The following MSRA variants were observed in gnomAD, a reference collection of about 807,000 sequenced individuals.
MSRA encodes methionine sulfoxide reductase A.
MSRA carries 54 observed loss-of-function variants against 31.3 expected under a neutral mutation model. The observed-to-expected ratio is 1.73, with a 90% confidence interval of 1.39 to 2.17. MSRA has a LOEUF of 2.17. Among genes scored for constraint, MSRA ranks in the 30% most tolerant of loss-of-function variants. MSRA has a pLI of 0.00. For synonymous variants in MSRA, 169 were observed against 116.5 expected (o/e 1.45, Z -2.90); for missense variants, 507 against 300.9 (o/e 1.69, Z -5.07).
At chr8:10,168,566 A>T (rs535912587) in intron 1 of MSRA, among the ~76,000 whole-genome samples, 26 of 152,232 alleles carry the variant, frequency 1.7e-4, no homozygotes, top group Non-Finnish European at 1.5e-5. Flanking sequence ...ATTTAAACCT[A>T]GTAGCAAAAC....
chr8:10,334,496 C>T (rs1802904123), intron 5 of MSRA, among the ~76,000 whole-genome samples: 1 of 152,002 alleles, frequency 6.6e-6, no homozygotes, highest in Non-Finnish European at 1.5e-5. Flanking sequence ...GCAGGGTTTG[C>T]CGTTTCCTAC....
At chr8:10,251,142 A>G (rs1157210651) in intron 3 of MSRA, among the ~76,000 whole-genome samples, 1 of 151,700 alleles carries the variant, frequency 6.6e-6, no homozygotes, top group Non-Finnish European at 1.5e-5. Flanking sequence ...TTTTTCCTTG[A>G]TGCTTGAGAA....
At chr8:10,208,003 T>G (rs1809151013) in intron 2 of MSRA, 102 bp downstream of exon 2, 1 of 822,000 alleles carries the variant, frequency 1.2e-6, no homozygotes, top group Non-Finnish European at 1.9e-6. Flanking sequence ...ATCTGGGCTC[T>G]TCTAGATATT....
intron 2 of MSRA, among the ~76,000 whole-genome samples, chr8:10,242,388 A>C (rs1227783539): frequency 6.6e-6 from 1 of 152,200 alleles, no homozygotes; most frequent in Non-Finnish European, 1.5e-5. Flanking sequence ...ATTACTGTGA[A>C]AGTCAGATAA....
At chr8:10,056,683 G>C (rs948385139) in intron 1 of MSRA, among the ~76,000 whole-genome samples, 1 of 152,124 alleles carries the variant, frequency 6.6e-6, no homozygotes, top group Non-Finnish European at 1.5e-5. Flanking sequence ...GCCCTGACTG[G>C]CTCCAGAAAT....
At chr8:10,367,722 T>C (rs1431229495) in intron 5 of MSRA, among the ~76,000 whole-genome samples, 1 of 152,250 alleles carries the variant, frequency 6.6e-6, no homozygotes, top group East Asian at 1.9e-4. Context: ...CCCATTGCTC[T>C]GTCTCCGGCG....
intron 5 of MSRA, among the ~76,000 whole-genome samples, chr8:10,339,732 G>A (rs1803296918): frequency 6.6e-6 from 1 of 150,910 alleles, no homozygotes; most frequent in African/African-American, 2.4e-5. Flanking sequence ...TAGTAGAGAT[G>A]GGGTTTCACC....
chr8:10,413,279 C>A (rs755254384), intron 5 of MSRA, among the ~76,000 whole-genome samples: 2 of 152,186 alleles, frequency 1.3e-5, no homozygotes, highest in Non-Finnish European at 2.9e-5. Flanking sequence ...GCTTCCAGGC[C>A]TGTAAGGAAT....
At chr8:10,165,636 C>G (rs1266503610) in intron 1 of MSRA, among the ~76,000 whole-genome samples, 4 of 152,124 alleles carry the variant, frequency 2.6e-5, no homozygotes, top group Admixed American at 2.6e-4. Flanking sequence ...GCCATGATAT[C>G]TCTGTAGACC....
chr8:10,272,229 T>A (rs1193128570), intron 3 of MSRA, among the ~76,000 whole-genome samples: 2 of 152,142 alleles, frequency 1.3e-5, no homozygotes, highest in African/African-American at 4.8e-5. Flanking sequence ...TATTGATGAG[T>A]TGATCGATCT....
At chr8:10,152,081 C>A (rs1206906605) in intron 1 of MSRA, among the ~76,000 whole-genome samples, 1 of 152,218 alleles carries the variant, frequency 6.6e-6, no homozygotes, top group East Asian at 1.9e-4. Context: ...GCTCCCTTAA[C>A]TGCACAGGCA....
At chr8:10,233,580 C>T (rs1472168569) in intron 2 of MSRA, among the ~76,000 whole-genome samples, 1 of 152,126 alleles carries the variant, frequency 6.6e-6, no homozygotes, top group Non-Finnish European at 1.5e-5. Flanking sequence ...TTAGATTGAA[C>T]CCAGTTGATG....
chr8:10,345,433 GA>G (rs1269406455), intron 5 of MSRA, among the ~76,000 whole-genome samples: 5 of 152,130 alleles, frequency 3.3e-5, no homozygotes, highest in Non-Finnish European at 7.4e-5. Context: ...CATGAATGAA[GA>G]AGTCTTGTAC....
At chr8:10,350,080 T>C (rs962566759) in intron 5 of MSRA, among the ~76,000 whole-genome samples, 1 of 152,260 alleles carries the variant, frequency 6.6e-6, no homozygotes, top group African/African-American at 2.4e-5. Context: ...CTTTCCATTC[T>C]CCAGCTGGGC....
intron 4 of MSRA, among the ~76,000 whole-genome samples, chr8:10,306,056 T>C (rs1801123716): frequency 6.6e-6 from 1 of 152,228 alleles, no homozygotes; most frequent in East Asian, 1.9e-4. Context: ...TTTAGGCTTC[T>C]GAGGATAGAC....
At chr8:10,316,268 G>C (rs1237910410) in intron 4 of MSRA, among the ~76,000 whole-genome samples, 1 of 151,272 alleles carries the variant, frequency 6.6e-6, no homozygotes. Flanking sequence ...TTACAAATCG[G>C]AATAATAGTG....
intron 1 of MSRA, among the ~76,000 whole-genome samples, chr8:10,105,867 A>T (rs1799846786): frequency 6.6e-6 from 1 of 152,160 alleles, no homozygotes; most frequent in Admixed American, 6.5e-5. Flanking sequence ...CTTCCAAATC[A>T]CTTTGCAAAA....
At chr8:10,367,535 C>T (rs1232840462) in intron 5 of MSRA, among the ~76,000 whole-genome samples, 2 of 152,188 alleles carry the variant, frequency 1.3e-5, no homozygotes, top group African/African-American at 2.4e-5. Context: ...GTGTGCTAGT[C>T]ACTGTACAAG....
chr8:10,379,267 C>T (rs751944624), intron 5 of MSRA, among the ~76,000 whole-genome samples: 3 of 152,024 alleles, frequency 2.0e-5, no homozygotes, highest in Admixed American at 6.6e-5. Flanking sequence ...TCCCTGTAAG[C>T]CCTCAACATG....
Sources: gnomAD v4.1 joint callset for allele counts (sites outside exome capture counted in the v4.1 genomes callset) on GRCh38, gnomAD v4.1.1 for gene constraint, MANE v1.5 for transcripts, NCBI Gene and HGNC (gene_info 2026-07-23, HGNC 2026-07-21) for gene names.